Variants in SLX9 observed in about 807,000 individuals in gnomAD.
The protein encoded by SLX9 is ribosome biogenesis protein SLX9 homolog.
A neutral mutation model predicts 20.8 loss-of-function variants in SLX9; 19 were observed. That is an observed-to-expected ratio of 0.91 (90% CI 0.64 to 1.34). SLX9 has a LOEUF of 1.34. Among genes scored for constraint, SLX9 ranks in the 40% most tolerant of loss-of-function variants. The pLI, the probability that SLX9 is intolerant of heterozygous loss-of-function variation, is 0.00. For missense variants in SLX9, 299 were observed against 322.2 expected (o/e 0.93, Z 0.55); for synonymous variants, 113 against 137.1 (o/e 0.82, Z 1.23).
At chr21:44,946,974 C>T (rs139738770) in intron 2 of SLX9, among the ~76,000 whole-genome samples, 1,840 of 152,298 alleles carry the variant, frequency 0.012, 24 homozygotes, top group Non-Finnish European at 0.017. Context: ...GCCCCACAGG[C>T]GGAGGGGCTT....
intron 4 of SLX9, among the ~76,000 whole-genome samples, chr21:44,972,373 C>T (rs748783483): frequency 6.6e-6 from 1 of 152,172 alleles, no homozygotes; most frequent in African/African-American, 2.4e-5. Flanking sequence ...TGAGAAGCTC[C>T]GCGGGCAGCC....
At chr21:44,956,566 C>T (rs989797352) in intron 2 of SLX9, among the ~76,000 whole-genome samples, 10 of 152,194 alleles carry the variant, frequency 6.6e-5, no homozygotes, top group South Asian at 2.1e-4. Flanking sequence ...CAGCATCTCC[C>T]GGCACCCGAG....
At chr21:44,975,329 T>G (rs2085242058) in intron 5 of SLX9, among the ~76,000 whole-genome samples, 1 of 152,160 alleles carries the variant, frequency 6.6e-6, no homozygotes, top group African/African-American at 2.4e-5. Flanking sequence ...AAGGAAGGGC[T>G]TTTCTCTCAG....
chr21:44,960,177 A>G lies in SLX9; in HGVS notation c.352+9A>G, dbSNP rs775659243. ...TGAGCAATGGTTGCAGAGTAAGTCC[A>G]TGCCTGCGTCTTGAGGCAGCTGCCG... On this transcript the variant is annotated intron_variant, in intron 3 of 5. Transcript: ENST00000291634. The G allele has an allele frequency of 1.5e-5, 24 of 1,614,062 alleles. No homozygotes were observed. In the South Asian group the frequency reaches 2.5e-4, roughly 17 times the overall value.
At chr21:44,952,511 C>CAGGG (rs2084777091) in intron 2 of SLX9, among the ~76,000 whole-genome samples, 1 of 152,184 alleles carries the variant, frequency 6.6e-6, no homozygotes, top group African/African-American at 2.4e-5. Flanking sequence ...CCCTCCTTCT[C>CAGGG]CCCTGCAGGT....
chr21:44,973,671 C>G (rs1456275059), intron 5 of SLX9, among the ~76,000 whole-genome samples: 2 of 148,816 alleles, frequency 1.3e-5, no homozygotes, highest in East Asian at 4.0e-4. Flanking sequence ...CCCGCCCACC[C>G]TCTCCAGGGG....
At chr21:44,951,257 G>A (rs979002612) in intron 2 of SLX9, among the ~76,000 whole-genome samples, 1 of 152,110 alleles carries the variant, frequency 6.6e-6, no homozygotes, top group Non-Finnish European at 1.5e-5. Flanking sequence ...TCCTGGTGGC[G>A]CTGAAGCCCA....
intron 4 of SLX9, among the ~76,000 whole-genome samples, chr21:44,969,989 G>T (rs1306110343): frequency 6.6e-6 from 1 of 152,214 alleles, no homozygotes; most frequent in East Asian, 1.9e-4. Context: ...GAAGGGACTG[G>T]GTTTGGGGAG....
intron 3 of SLX9, among the ~76,000 whole-genome samples, chr21:44,966,022 A>C (rs558728694): frequency 6.6e-5 from 10 of 152,120 alleles, no homozygotes; most frequent in African/African-American, 2.2e-4. Context: ...CTCAACCTGC[A>C]CTGGGGGCTG....
chr21:44,946,635 TC>T (rs1455015069), intron 2 of SLX9, among the ~76,000 whole-genome samples: 1 of 152,220 alleles, frequency 6.6e-6, no homozygotes, highest in East Asian at 1.9e-4. Context: ...TGAGGTGTGT[TC>T]CAGGAGGCTG....
At chr21:44,941,686 T>C (rs1161169017) in intron 1 of SLX9, among the ~76,000 whole-genome samples, 1 of 152,236 alleles carries the variant, frequency 6.6e-6, no homozygotes, top group Admixed American at 6.5e-5. Flanking sequence ...AGAGTCCCTC[T>C]GCTCACTCCT....
chr21:44,968,021 T>C (rs1333761870), intron 4 of SLX9, among the ~76,000 whole-genome samples: 1 of 142,512 alleles, frequency 7.0e-6, no homozygotes, highest in Non-Finnish European at 1.5e-5. Context: ...GCTGGGGTGG[T>C]GGGTTCTGGG....
intron 3 of SLX9, 85 bp downstream of exon 3, chr21:44,960,253 C>T (rs1163928017): frequency 1.6e-6 from 2 of 1,284,230 alleles, no homozygotes; most frequent in Non-Finnish European, 2.3e-6. Context: ...TCACATCTGG[C>T]CTTCTACATC....
chr21:44,944,488 G>C (rs2084608028), intron 2 of SLX9, among the ~76,000 whole-genome samples: 1 of 152,234 alleles, frequency 6.6e-6, no homozygotes, highest in Non-Finnish European at 1.5e-5. Flanking sequence ...GGCCACCATG[G>C]TCAATGCTGG....
At chr21:44,973,115 A>G in intron 4 of SLX9, 82 bp from the exon 5 acceptor site, 1 of 1,508,396 alleles carries the variant, frequency 6.6e-7, no homozygotes, top group Non-Finnish European at 9.2e-7. Context: ...CTGCTCTAAG[A>G]AGGGAGGAGC....
chr21:44,966,936 G>A (rs2085046448), intron 3 of SLX9, 98 bp from the exon 4 acceptor site: 6 of 1,488,440 alleles, frequency 4.0e-6, no homozygotes, highest in Middle Eastern at 2.3e-4. Context: ...AGGCAGCAGG[G>A]CCGGGCACCC....
In SLX9 at chr21:44,967,186, G is replaced by A. The variant is rs747585775; in HGVS notation, c.500+5G>A. ...CAGCCGGCGCCAAGCCCGCAGGTGA[G>A]TGTCCGGGAGGGGTGGCCCTTTCCG... is the stretch of plus-strand genomic sequence containing the variant. On this transcript the variant is annotated splice_donor_5th_base_variant and intron_variant, in intron 4 of 5. Coordinates refer to ENST00000291634, the MANE Select transcript of SLX9 (RefSeq NM_058190.4). 1.2e-5 allele frequency: 19 copies of A among 1,567,980 alleles called. 1 individual carries two copies. The South Asian group carries it at 2.1e-4, about 18-fold the overall frequency.
intron 4 of SLX9, among the ~76,000 whole-genome samples, chr21:44,970,915 T>A (rs1052842220): frequency 1.3e-5 from 2 of 152,174 alleles, no homozygotes; most frequent in Non-Finnish European, 2.9e-5. Flanking sequence ...CAATCCCCTG[T>A]CCTGGCGCCC....
intron 2 of SLX9, among the ~76,000 whole-genome samples, 174 bp downstream of exon 2, chr21:44,944,011 G>A (rs1169040019): frequency 1.3e-5 from 2 of 152,218 alleles, no homozygotes; most frequent in Admixed American, 6.5e-5. Flanking sequence ...TACAGCTGTG[G>A]TTTTGCCCCT....
Sources: allele counts gnomAD v4.1 joint callset (sites outside exome capture counted in the v4.1 genomes callset), GRCh38; gene constraint gnomAD v4.1.1; transcripts MANE v1.5; gene names NCBI Gene and HGNC (gene_info 2026-07-23, HGNC 2026-07-21).